The following DOCK1 variants were observed in gnomAD, a reference collection of about 807,000 sequenced individuals.
The protein encoded by DOCK1 is dedicator of cytokinesis 1, also known as dedicator of cytokinesis protein 1.
Under a neutral mutation model 262.7 loss-of-function variants are expected in DOCK1, and 138 were observed. That is an observed-to-expected ratio of 0.53 (90% CI 0.46 to 0.61). The LOEUF (loss-of-function observed/expected upper bound fraction) is 0.61. DOCK1 is among the 20% of genes least tolerant of loss of function. The pLI, the probability that DOCK1 is intolerant of heterozygous loss-of-function variation, is 0.00. For missense variants in DOCK1, 1,908 were observed against 2,370.7 expected (o/e 0.80, Z 4.05); for synonymous variants, 866 against 867.4 (o/e 1.00, Z 0.03).
At chr10:127,013,166 T>A (rs761782420) in intron 12 of DOCK1, among the ~76,000 whole-genome samples, 1 of 152,182 alleles carries the variant, frequency 6.6e-6, no homozygotes, top group Non-Finnish European at 1.5e-5. Context: ...GAATGAGCCT[T>A]CCTAGGGATC....
chr10:127,301,945 CA>C (rs532284873), intron 29 of DOCK1, among the ~76,000 whole-genome samples: 14,229 of 89,242 alleles, frequency 0.16, 820 homozygotes, highest in African/African-American at 0.24. Context: ...GACTCCATCT[CA>C]AAAAAAAAAA....
At chr10:127,223,214 T>C (rs2058508354) in intron 27 of DOCK1, among the ~76,000 whole-genome samples, 1 of 152,184 alleles carries the variant, frequency 6.6e-6, no homozygotes, top group African/African-American at 2.4e-5. Context: ...ACAACATAAA[T>C]CAGCAACTTT....
intron 29 of DOCK1, among the ~76,000 whole-genome samples, chr10:127,331,878 G>A (rs1028278534): frequency 1.4e-4 from 22 of 152,280 alleles, no homozygotes; most frequent in African/African-American, 4.3e-4. Flanking sequence ...TTCATACCCC[G>A]CAAGACTTGT....
At chr10:127,190,913 G>T (rs558086261) in intron 27 of DOCK1, among the ~76,000 whole-genome samples, 4 of 151,984 alleles carry the variant, frequency 2.6e-5, no homozygotes. Flanking sequence ...CCTCTGGTTT[G>T]CCTCTAGTTA....
intron 29 of DOCK1, among the ~76,000 whole-genome samples, chr10:127,284,356 G>A (rs2061072700): frequency 6.6e-6 from 1 of 151,718 alleles, no homozygotes; most frequent in Admixed American, 6.6e-5. Context: ...CTCTGTAATA[G>A]CACCCTCCCT....
At chr10:127,215,822 A>G (rs764298723) in intron 27 of DOCK1, among the ~76,000 whole-genome samples, 6 of 151,878 alleles carry the variant, frequency 4.0e-5, no homozygotes, top group Non-Finnish European at 8.8e-5. Flanking sequence ...CAAGCAAACA[A>G]CACCCCCCCT....
chr10:127,196,000 C>T (rs2057111712), intron 27 of DOCK1: 1 of 152,212 alleles, frequency 6.6e-6, no homozygotes, highest in South Asian at 2.1e-4. Context: ...CGCTTACCTT[C>T]CGCTGCTTAC....
intron 27 of DOCK1, among the ~76,000 whole-genome samples, chr10:127,162,972 C>T (rs1191672745): frequency 1.1e-4 from 17 of 152,316 alleles, no homozygotes; most frequent in Admixed American, 9.8e-4. Flanking sequence ...AGTAGCACTC[C>T]TTCCATGGGA....
chr10:127,050,363 T>A (rs1442267132), intron 21 of DOCK1, among the ~76,000 whole-genome samples: 1 of 151,550 alleles, frequency 6.6e-6, no homozygotes, highest in Admixed American at 6.6e-5. Flanking sequence ...CTATTATATA[T>A]AATAGATATT....
chr10:127,224,846 C>A (rs1761540), intron 27 of DOCK1, among the ~76,000 whole-genome samples: 53,864 of 151,976 alleles, frequency 0.35, 9,912 homozygotes, highest in East Asian at 0.46. Flanking sequence ...TAGGGAGAGG[C>A]AAAAAGGAGT....
intron 28 of DOCK1, among the ~76,000 whole-genome samples, chr10:127,253,261 G>T (rs2059715846): frequency 6.6e-6 from 1 of 152,312 alleles, no homozygotes; most frequent in South Asian, 2.1e-4. Context: ...GACGGCTTTG[G>T]TACTTCTAGC....
chr10:127,115,734 A>G (rs901534081), intron 25 of DOCK1, among the ~76,000 whole-genome samples: 28 of 152,358 alleles, frequency 1.8e-4, no homozygotes, highest in African/African-American at 6.3e-4. Flanking sequence ...TTAAGTTAGT[A>G]AAGAGCATTG....
chr10:126,911,339 C>A (rs1188479269), intron 1 of DOCK1, among the ~76,000 whole-genome samples: 1 of 152,178 alleles, frequency 6.6e-6, no homozygotes, highest in Non-Finnish European at 1.5e-5. Context: ...GAAGGCAGCC[C>A]ACCCAGGGGG....
chr10:127,320,484 G>A (rs1171893956), intron 29 of DOCK1, among the ~76,000 whole-genome samples: 1 of 152,118 alleles, frequency 6.6e-6, no homozygotes, highest in Non-Finnish European at 1.5e-5. Context: ...ATCAGACACC[G>A]TGCACCAGGA....
chr10:127,220,836 A>G (rs1293230291), intron 27 of DOCK1, among the ~76,000 whole-genome samples: 1 of 149,668 alleles, frequency 6.7e-6, no homozygotes, highest in Non-Finnish European at 1.5e-5. Flanking sequence ...TACTCTGCTT[A>G]TAGATTTATT....
chr10:127,435,072 T>G (rs2069586963), intron 48 of DOCK1, among the ~76,000 whole-genome samples: 1 of 152,244 alleles, frequency 6.6e-6, no homozygotes, highest in Admixed American at 6.5e-5. Flanking sequence ...TAACATTTAT[T>G]GAGCACACAC....
At chr10:127,372,360 T>G (rs1241469706) in intron 33 of DOCK1, among the ~76,000 whole-genome samples, 1 of 152,202 alleles carries the variant, frequency 6.6e-6, no homozygotes, top group Non-Finnish European at 1.5e-5. Flanking sequence ...GCCCACAGTG[T>G]CTGTCACAGG....
At chr10:127,063,848 T>A (rs1416895481) in intron 23 of DOCK1, among the ~76,000 whole-genome samples, 1 of 152,202 alleles carries the variant, frequency 6.6e-6, no homozygotes, top group Admixed American at 6.5e-5. Flanking sequence ...AGTGGGTGTT[T>A]TATTATAAGA....
intron 29 of DOCK1, among the ~76,000 whole-genome samples, chr10:127,275,411 G>T (rs918182046): frequency 7.9e-5 from 12 of 152,188 alleles, no homozygotes; most frequent in African/African-American, 2.9e-4. Flanking sequence ...GAGGAGGCCA[G>T]CCTGCTGTGC....
Sources: allele counts gnomAD v4.1 joint callset (sites outside exome capture counted in the v4.1 genomes callset), GRCh38; gene constraint gnomAD v4.1.1; transcripts MANE v1.5; gene names NCBI Gene and HGNC (gene_info 2026-07-23, HGNC 2026-07-21).